Variants in SORCS2 observed in about 807,000 individuals in gnomAD.
SORCS2 encodes the protein sortilin related VPS10 domain containing receptor 2, also known as VPS10 domain-containing receptor SorCS2.
A neutral mutation model predicts 141.6 loss-of-function variants in SORCS2; 100 were observed. The ratio of observed to expected loss-of-function variants is 0.71; its 90% confidence interval spans 0.60 to 0.83. The LOEUF (loss-of-function observed/expected upper bound fraction) is 0.83, where lower values mean the gene tolerates loss of function less well. Ranked by LOEUF, SORCS2 falls within the 40% of genes least tolerant of loss-of-function variation. The probability of loss-of-function intolerance (pLI) is 0.00; values close to 1 mark genes in which losing one functional copy is unlikely to be tolerated. For missense variants in SORCS2, 1,646 were observed against 1,560.2 expected, an observed-to-expected ratio of 1.05 and a Z score of -0.93; for synonymous variants, 789 against 676.9, an observed-to-expected ratio of 1.17 and a Z score of -2.57.
Position 7,224,335 on chromosome 4 carries a change from G to A in SORCS2, c.480+31209G>A, listed in dbSNP as rs79593145. Among the ~76,000 whole-genome samples the A allele has an allele frequency of 4.3e-3, 659 of 152,372 alleles. 21 individuals carry two copies. The East Asian group carries it at 0.08, about 18-fold the overall frequency. On this transcript the variant is annotated intron_variant, in intron 1 of 26. Transcript: ENST00000507866. ...AAATGCACCATTAAGGCACCAAACAGGGAGGTGGAGTGGCTTTTTAATAAT... is the reference window on the plus strand; with the variant it reads ...AAATGCACCATTAAGGCACCAAACAAGGAGGTGGAGTGGCTTTTTAATAAT...
At chr4:7,440,943 C>G (rs1458293866) in intron 2 of SORCS2, among the ~76,000 whole-genome samples, 1 of 152,114 alleles carries the variant, frequency 6.6e-6, no homozygotes, top group South Asian at 2.1e-4. Flanking sequence ...AGAGACAGAC[C>G]ATGAATGAGT....
intron 3 of SORCS2, among the ~76,000 whole-genome samples, chr4:7,591,113 C>T (rs1271651420): frequency 1.3e-5 from 2 of 152,140 alleles, no homozygotes; most frequent in Non-Finnish European, 1.5e-5. Context: ...AAGTGGGCAC[C>T]GGGCCAGCGC....
chr4:7,625,457 C>G (rs1227814327), intron 3 of SORCS2, among the ~76,000 whole-genome samples: 2 of 151,938 alleles, frequency 1.3e-5, no homozygotes, highest in African/African-American at 4.8e-5. Context: ...GGGCTAGTGC[C>G]TAGCACAGAG....
chr4:7,469,542 C>T (rs1050654574), intron 2 of SORCS2, among the ~76,000 whole-genome samples: 4 of 152,232 alleles, frequency 2.6e-5, no homozygotes, highest in Admixed American at 2.0e-4. Flanking sequence ...GCAGAGCCTG[C>T]TCTCAAAATG....
chr4:7,245,596 A>G (rs1329154561), intron 1 of SORCS2, among the ~76,000 whole-genome samples: 1 of 152,302 alleles, frequency 6.6e-6, no homozygotes, highest in East Asian at 1.9e-4. Context: ...CTCCCAGTGC[A>G]AGGTCGTGGT....
At chr4:7,414,622 T>A (rs1039827950) in intron 2 of SORCS2, among the ~76,000 whole-genome samples, 1 of 152,082 alleles carries the variant, frequency 6.6e-6, no homozygotes. Context: ...GACTCAAATG[T>A]AATAATTCTA....
rs116068891 is a variant in SORCS2 at position 7,453,081 on chromosome 4, G to T, written c.548+56726G>T. Among the ~76,000 whole-genome samples, 701 of 142,584 alleles carry T rather than the reference G, an allele frequency of 4.9e-3. 7 individuals are homozygous for T. The highest frequency in any genetic ancestry group is 0.018 in the African/African-American group (660 of 37,688). The allele number at this position is 142,584 out of a possible 152,430, so 93.5% of individuals were successfully genotyped here. ...GTCAGGAGCTGTGTGTTGGGGTCAC[G>T]TGCTGTGTTGGGGTCAGGCACTGTG... On this transcript the variant is annotated intron_variant, in intron 2 of 26. Transcript: ENST00000507866.
chr4:7,325,598 A>G (rs192979556), intron 1 of SORCS2, among the ~76,000 whole-genome samples: 204 of 152,276 alleles, frequency 1.3e-3, no homozygotes, highest in African/African-American at 4.7e-3. Context: ...TTTTAACTCT[A>G]TGGATCTGGA....
chr4:7,471,057 G>C lies in SORCS2; in HGVS notation c.549-60473G>C, dbSNP rs118068762. On this transcript the variant is annotated intron_variant, in intron 2 of 26. Coordinates refer to ENST00000507866, the MANE Select transcript of SORCS2 (RefSeq NM_020777.3). ...GAGGGGGCTGCCTGCGAAAACCCAA[G>C]GGAGGAGATTTCTAGGTGGAGGGAA... Among the ~76,000 whole-genome samples, 569 of 152,286 alleles carry C rather than the reference G, an allele frequency of 3.7e-3. 9 individuals are homozygous for C. Among genetic ancestry groups the C allele is most frequent in the East Asian group, 0.028 (145 of 5,178 alleles).
At chr4:7,249,789 T>C (rs1560139991) in intron 1 of SORCS2, among the ~76,000 whole-genome samples, 1 of 152,200 alleles carries the variant, frequency 6.6e-6, no homozygotes, top group Non-Finnish European at 1.5e-5. Flanking sequence ...ATGTGCAGTA[T>C]AGACGACAAG....
chr4:7,423,936 G>A (rs1726253448), intron 2 of SORCS2, among the ~76,000 whole-genome samples: 1 of 152,156 alleles, frequency 6.6e-6, no homozygotes, highest in Admixed American at 6.5e-5. Flanking sequence ...CGCGGTGTTG[G>A]GAAGAGGCAC....
intron 3 of SORCS2, among the ~76,000 whole-genome samples, chr4:7,583,668 T>C (rs1175843555): frequency 6.6e-6 from 1 of 152,248 alleles, no homozygotes; most frequent in African/African-American, 2.4e-5. Flanking sequence ...TTCTTTCATC[T>C]GCTGCCACGT....
intron 2 of SORCS2, among the ~76,000 whole-genome samples, chr4:7,511,396 CT>C (rs561721664): frequency 8.1e-6 from 1 of 124,156 alleles, no homozygotes; most frequent in South Asian, 2.9e-4. Flanking sequence ...CCAGAGATCC[CT>C]GCAGAGAGAG....
intron 3 of SORCS2, among the ~76,000 whole-genome samples, chr4:7,600,576 C>G (rs1717591244): frequency 6.6e-6 from 1 of 151,750 alleles, no homozygotes; most frequent in Middle Eastern, 3.4e-3. Flanking sequence ...TCTGGGGAAA[C>G]CTGGGAGCAT....
intron 1 of SORCS2, among the ~76,000 whole-genome samples, chr4:7,385,269 G>A (rs1044945960): frequency 7.2e-5 from 11 of 152,190 alleles, no homozygotes; most frequent in Admixed American, 2.6e-4. Context: ...AGAAAGAAAC[G>A]ATATTCCTCT....
intron 11 of SORCS2, among the ~76,000 whole-genome samples, chr4:7,690,059 GATGGATGGATAGATGA>G (rs974544138): frequency 1.7e-4 from 24 of 139,712 alleles, no homozygotes; most frequent in Admixed American, 7.0e-5. Flanking sequence ...ATGCTGAATT[GATGGATGGATAGATGA>G]ATGGATAGAT....
At chr4:7,323,834 A>G (rs974079870) in intron 1 of SORCS2, among the ~76,000 whole-genome samples, 7 of 151,724 alleles carry the variant, frequency 4.6e-5, no homozygotes, top group Non-Finnish European at 1.0e-4. Context: ...GGGAGGGAGA[A>G]CTTATTCCAA....
intron 2 of SORCS2, among the ~76,000 whole-genome samples, chr4:7,445,882 A>C (rs527668666): frequency 2.6e-5 from 4 of 152,224 alleles, no homozygotes; most frequent in Non-Finnish European, 4.4e-5. Context: ...CAGCATCCCC[A>C]CTGGCCCTGA....
intron 3 of SORCS2, among the ~76,000 whole-genome samples, chr4:7,541,327 G>T (rs1263951005): frequency 6.6e-6 from 1 of 152,252 alleles, no homozygotes; most frequent in Admixed American, 6.5e-5. Context: ...CTGGGCACAT[G>T]CTGGGGCTGC....
Sources: allele counts gnomAD v4.1 joint callset (sites outside exome capture counted in the v4.1 genomes callset), GRCh38; gene constraint gnomAD v4.1.1; transcripts MANE v1.5; gene names NCBI Gene and HGNC (gene_info 2026-07-23, HGNC 2026-07-21).